The following SORCS2 variants were observed in gnomAD, a reference collection of about 807,000 sequenced individuals.
The protein encoded by SORCS2 is VPS10 domain-containing receptor SorCS2.
A neutral mutation model predicts 141.6 loss-of-function variants in SORCS2; 100 were observed. The observed-to-expected ratio is 0.71, with a 90% CI of 0.60 to 0.83. SORCS2 has a LOEUF of 0.83. Among genes scored for constraint, SORCS2 ranks in the 40% least tolerant of loss-of-function variants. SORCS2 has a pLI of 0.00. For synonymous variants in SORCS2, 789 were observed against 676.9 expected, an observed-to-expected ratio of 1.17 and a Z score of -2.57; for missense variants, 1,646 against 1,560.2, an observed-to-expected ratio of 1.05 and a Z score of -0.93.
intron 1 of SORCS2, among the ~76,000 whole-genome samples, chr4:7,242,978 C>T (rs1003506625): frequency 1.2e-4 from 19 of 152,194 alleles, no homozygotes; most frequent in African/African-American, 4.3e-4. Flanking sequence ...GTGACACATG[C>T]TGGTGAGTTT....
intron 2 of SORCS2, among the ~76,000 whole-genome samples, chr4:7,409,243 GACTCTAAGTGGTGCCTTAAGCCC>G (rs1255628288): frequency 6.6e-6 from 1 of 152,134 alleles, no homozygotes; most frequent in Non-Finnish European, 1.5e-5. Context: ...CCTCCTTTTG[GACTCTAAGTGGTGCCTTAAGCCC>G]AGGTTCTCCT....
At chr4:7,688,415 A>G (rs1724007040) in intron 10 of SORCS2, among the ~76,000 whole-genome samples, 1 of 152,220 alleles carries the variant, frequency 6.6e-6, no homozygotes, top group Admixed American at 6.5e-5. Flanking sequence ...AACAGAAAAA[A>G]GTAATTTTAA....
chr4:7,373,022 TC>T (rs1158597503), intron 1 of SORCS2, among the ~76,000 whole-genome samples: 3 of 151,032 alleles, frequency 2.0e-5, no homozygotes, highest in African/African-American at 7.3e-5. Flanking sequence ...TTTTTTTTTT[TC>T]CCCTATCATG....
At chr4:7,297,576 C>T (rs1717162488) in intron 1 of SORCS2, among the ~76,000 whole-genome samples, 1 of 152,208 alleles carries the variant, frequency 6.6e-6, no homozygotes, top group Non-Finnish European at 1.5e-5. Context: ...GGGCTGTGCT[C>T]AGTGACTGTA....
At chr4:7,217,521 A>T (rs1357112267) in intron 1 of SORCS2, among the ~76,000 whole-genome samples, 1 of 152,194 alleles carries the variant, frequency 6.6e-6, no homozygotes, top group Admixed American at 6.5e-5. Context: ...TGAAGGTTTT[A>T]AAGCCACCTG....
At chr4:7,448,082 C>T (rs1728116263) in intron 2 of SORCS2, among the ~76,000 whole-genome samples, 1 of 152,204 alleles carries the variant, frequency 6.6e-6, no homozygotes, top group African/African-American at 2.4e-5. Context: ...CCAGGAAACA[C>T]ATCCCTGTAC....
intron 1 of SORCS2, among the ~76,000 whole-genome samples, chr4:7,241,097 G>A (rs927573750): frequency 6.6e-6 from 1 of 152,042 alleles, no homozygotes; most frequent in East Asian, 1.9e-4. Flanking sequence ...ACCATGCCTG[G>A]CTAAATTTTT....
chr4:7,480,383 C>T (rs1436217930), intron 2 of SORCS2, among the ~76,000 whole-genome samples: 1 of 152,188 alleles, frequency 6.6e-6, no homozygotes, highest in African/African-American at 2.4e-5. Flanking sequence ...TCCAGCCACT[C>T]CTTCCCCTCT....
At chr4:7,312,709 G>A (rs966374910) in intron 1 of SORCS2, among the ~76,000 whole-genome samples, 6 of 152,132 alleles carry the variant, frequency 3.9e-5, no homozygotes, top group East Asian at 3.8e-4. Context: ...TGCCAGGTAC[G>A]TTGCAGAGTG....
chr4:7,524,319 G>A (rs893512579), intron 2 of SORCS2, among the ~76,000 whole-genome samples: 2 of 152,146 alleles, frequency 1.3e-5, no homozygotes, highest in African/African-American at 2.4e-5. Flanking sequence ...AGAGGCAGGA[G>A]GATCCTCCCC....
intron 2 of SORCS2, among the ~76,000 whole-genome samples, chr4:7,527,434 G>T (rs1733765123): frequency 6.6e-6 from 1 of 152,244 alleles, no homozygotes; most frequent in African/African-American, 2.4e-5. Context: ...GCTGTGACGG[G>T]AAGCAGAGTG....
Position 7,345,941 on chromosome 4 carries a change from C to T in SORCS2, c.481-50347C>T, listed in dbSNP as rs544469073. On this transcript the variant is annotated intron_variant, in intron 1 of 26. Coordinates refer to ENST00000507866, the MANE Select transcript of SORCS2 (RefSeq NM_020777.3). ...CCATCTTGTCTCTGGCCAACTTCTT[C>T]TCTTCCTTCATGCTCAGTCTAGCCA... 3.9e-5 allele frequency among the ~76,000 whole-genome samples: 6 copies of T among 152,338 alleles called. 1 individual carries two copies. The South Asian group carries it at 1.2e-3, about 32-fold the overall frequency.
intron 18 of SORCS2, among the ~76,000 whole-genome samples, chr4:7,722,125 T>C (rs1023807477): frequency 1.3e-5 from 2 of 152,204 alleles, no homozygotes; most frequent in Non-Finnish European, 2.9e-5. Flanking sequence ...GCGCAGCCCT[T>C]GAAGGCAGGA....
chr4:7,327,040 G>A (rs1719310169), intron 1 of SORCS2, among the ~76,000 whole-genome samples: 1 of 152,188 alleles, frequency 6.6e-6, no homozygotes, highest in African/African-American at 2.4e-5. Flanking sequence ...GTGTCACTGT[G>A]ACCTGGATCC....
At chr4:7,321,580 A>T (rs1718895902) in intron 1 of SORCS2, among the ~76,000 whole-genome samples, 1 of 152,212 alleles carries the variant, frequency 6.6e-6, no homozygotes, top group African/African-American at 2.4e-5. Context: ...CATGCAGCTG[A>T]CATCTCACAG....
intron 1 of SORCS2, among the ~76,000 whole-genome samples, chr4:7,248,929 G>T (rs886403482): frequency 6.6e-6 from 1 of 152,196 alleles, no homozygotes; most frequent in African/African-American, 2.4e-5. Flanking sequence ...TGAGCCATTG[G>T]ATTAGGCCAG....
chr4:7,532,814 T>A (rs1711770880), intron 3 of SORCS2, among the ~76,000 whole-genome samples: 1 of 151,924 alleles, frequency 6.6e-6, no homozygotes, highest in Non-Finnish European at 1.5e-5. Context: ...GCTGTTTTTG[T>A]TTTGTTTTGT....
At chr4:7,728,485 C>G in intron 22 of SORCS2, 23 bp downstream of exon 22, 3 of 1,560,182 alleles carry the variant, frequency 1.9e-6, no homozygotes, top group Non-Finnish European at 2.6e-6. Flanking sequence ...AGCCTAGAGC[C>G]TCCCCAGCCC....
intron 2 of SORCS2, among the ~76,000 whole-genome samples, chr4:7,453,961 TCAGGTGCTGTGTGTTGGGG>T: frequency 1.1e-5 from 1 of 91,422 alleles, no homozygotes; most frequent in African/African-American, 4.1e-5. Context: ...TGTGTTGGGG[TCAGGTGCTGTGTGTTGGGG>T]TCAGGTGCTG....
Sources: allele counts gnomAD v4.1 joint callset (sites outside exome capture counted in the v4.1 genomes callset), GRCh38; gene constraint gnomAD v4.1.1; transcripts MANE v1.5; gene names NCBI Gene and HGNC (gene_info 2026-07-23, HGNC 2026-07-21).